The following KCNAB1 variants were observed in gnomAD, a reference collection of about 807,000 sequenced individuals.
KCNAB1 encodes the protein voltage-gated potassium channel subunit beta-1.
KCNAB1 carries 35 observed loss-of-function variants against 64.6 expected under a neutral mutation model. The ratio of observed to expected loss-of-function variants is 0.54; its 90% CI spans 0.41 to 0.72. KCNAB1 has a LOEUF of 0.72. KCNAB1 is among the 30% of genes least tolerant of loss of function. The pLI, the probability that KCNAB1 is intolerant of heterozygous loss-of-function variation, is 0.00. For synonymous variants in KCNAB1, 177 were observed against 183.8 expected, an observed-to-expected ratio of 0.96 and a Z score of 0.30; for missense variants, 401 against 512.9, an observed-to-expected ratio of 0.78 and a Z score of 2.11.
intron 1 of KCNAB1, among the ~76,000 whole-genome samples, chr3:156,125,342 G>A (rs1341766416): frequency 6.6e-6 from 1 of 152,148 alleles, no homozygotes; most frequent in Non-Finnish European, 1.5e-5. Context: ...CTAGCATCAA[G>A]AGCTGAGCAT....
intron 1 of KCNAB1, among the ~76,000 whole-genome samples, chr3:156,210,296 T>C (rs986214529): frequency 6.6e-6 from 1 of 152,186 alleles, no homozygotes; most frequent in Non-Finnish European, 1.5e-5. Flanking sequence ...TCTGAAGTGT[T>C]GTGTAAAGAA....
chr3:156,270,215 CAT>C (rs1322034070), intron 1 of KCNAB1, among the ~76,000 whole-genome samples: 1 of 152,150 alleles, frequency 6.6e-6, no homozygotes. Context: ...TGCGCCCGGC[CAT>C]ATCTTTTTTA....
intron 1 of KCNAB1, among the ~76,000 whole-genome samples, chr3:156,364,899 T>G (rs915783487): frequency 1.3e-5 from 2 of 152,186 alleles, no homozygotes; most frequent in Non-Finnish European, 2.9e-5. Context: ...CTTGTACACT[T>G]ATTTTCAGGG....
chr3:156,502,532 CCACACACACACACACACACACACACA>C (rs60469602), intron 8 of KCNAB1, among the ~76,000 whole-genome samples: 1 of 142,810 alleles, frequency 7.0e-6, no homozygotes, highest in Non-Finnish European at 1.5e-5. Context: ...TACCTTACAA[CCACACACACACACACACACACACACA>C]CACACACACA....
At chr3:156,310,138 T>A (rs956552724) in intron 1 of KCNAB1, among the ~76,000 whole-genome samples, 2 of 152,152 alleles carry the variant, frequency 1.3e-5, no homozygotes, top group Non-Finnish European at 2.9e-5. Flanking sequence ...AGTGCAGTGG[T>A]CTTTCTCCCC....
chr3:156,388,635 C>T (rs1248806657), intron 1 of KCNAB1, among the ~76,000 whole-genome samples: 4 of 152,116 alleles, frequency 2.6e-5, no homozygotes, highest in South Asian at 2.1e-4. Context: ...TAGAGGAAGT[C>T]GAGGTAAATT....
At chr3:156,131,036 T>C (rs2108265011) in intron 1 of KCNAB1, among the ~76,000 whole-genome samples, 1 of 152,350 alleles carries the variant, frequency 6.6e-6, no homozygotes, top group East Asian at 1.9e-4. Flanking sequence ...AATTTGAGTT[T>C]AAGTCAGGCT....
chr3:156,378,801 C>G (rs868437038), intron 1 of KCNAB1, among the ~76,000 whole-genome samples: 1 of 152,080 alleles, frequency 6.6e-6, no homozygotes, highest in Non-Finnish European at 1.5e-5. Flanking sequence ...TAAGGTGGCT[C>G]CAAGCCCAGG....
intron 9 of KCNAB1, among the ~76,000 whole-genome samples, chr3:156,514,839 G>A (rs778942543): frequency 5.3e-5 from 8 of 151,926 alleles, no homozygotes; most frequent in Non-Finnish European, 1.0e-4. Flanking sequence ...TTTCTTTATC[G>A]TAGTGTACAA....
chr3:156,427,108 A>T (rs1019467235), intron 2 of KCNAB1, among the ~76,000 whole-genome samples: 1 of 152,108 alleles, frequency 6.6e-6, no homozygotes, highest in Non-Finnish European at 1.5e-5. Flanking sequence ...ACAGAATAGG[A>T]GGTCTTCCTG....
intron 8 of KCNAB1, among the ~76,000 whole-genome samples, chr3:156,494,214 T>G (rs1559914388): frequency 6.6e-6 from 1 of 152,144 alleles, no homozygotes; most frequent in Non-Finnish European, 1.5e-5. Context: ...TCTTCCCCAT[T>G]TATTTGTTTA....
At chr3:156,155,479 C>A (rs1477761039) in intron 1 of KCNAB1, among the ~76,000 whole-genome samples, 1 of 152,066 alleles carries the variant, frequency 6.6e-6, no homozygotes, top group Non-Finnish European at 1.5e-5. Flanking sequence ...GGAGCAGTTG[C>A]CATTTTAAAT....
downstream of KCNAB1, chr3:156,538,808 T>G (rs1427400742): frequency 6.6e-6 from 1 of 152,238 alleles, no homozygotes; most frequent in African/African-American, 2.4e-5. Flanking sequence ...TCCAAACATA[T>G]TCTATCATCA....
chr3:156,516,179 C>G, intron 10 of KCNAB1, 91 bp from the exon 11 acceptor site: 2 of 845,354 alleles, frequency 2.4e-6, no homozygotes, highest in South Asian at 2.9e-5. Context: ...CTATAACCTA[C>G]CAAATTCTGT....
intron 1 of KCNAB1, among the ~76,000 whole-genome samples, chr3:156,338,483 G>A (rs928379473): frequency 1.3e-5 from 2 of 151,634 alleles, no homozygotes; most frequent in African/African-American, 4.8e-5. Flanking sequence ...GCAAATTTTT[G>A]TATTGTTTAG....
chr3:156,291,889 T>C (rs1158754780), intron 1 of KCNAB1: 1 of 1,613,606 alleles, frequency 6.2e-7, no homozygotes, highest in South Asian at 1.1e-5. Flanking sequence ...AGAGGGACCG[T>C]GCGCTGCCTG....
chr3:156,506,582 T>C (rs1394333328), intron 8 of KCNAB1, among the ~76,000 whole-genome samples: 1 of 152,124 alleles, frequency 6.6e-6, no homozygotes, highest in East Asian at 1.9e-4. Flanking sequence ...TGGAGGAAAA[T>C]GCATTGCCTT....
intron 1 of KCNAB1, among the ~76,000 whole-genome samples, chr3:156,128,534 G>A (rs2108261868): frequency 6.6e-6 from 1 of 152,308 alleles, no homozygotes; most frequent in Admixed American, 6.5e-5. Flanking sequence ...TAGTATCCTT[G>A]TTTATAAAAT....
intron 1 of KCNAB1, among the ~76,000 whole-genome samples, chr3:156,182,695 ATTT>A (rs10624040): frequency 7.5e-6 from 1 of 132,718 alleles, no homozygotes. Flanking sequence ...AAGTAAGACA[ATTT>A]TTTTTTTTTT....
Sources: gnomAD v4.1 joint callset for allele counts (sites outside exome capture counted in the v4.1 genomes callset) on GRCh38, gnomAD v4.1.1 for gene constraint, MANE v1.5 for transcripts, NCBI Gene and HGNC (gene_info 2026-07-23, HGNC 2026-07-21) for gene names.